The following ANKS1B variants were observed in gnomAD, a reference collection of about 807,000 sequenced individuals.
ANKS1B encodes the protein ankyrin repeat and sterile alpha motif domain-containing protein 1B.
In ANKS1B, 36 loss-of-function variants were observed where a neutral mutation model predicts 148.3. The ratio of observed to expected loss-of-function variants is 0.24; its 90% confidence interval spans 0.19 to 0.32. ANKS1B has a LOEUF of 0.32. Ranked by LOEUF, ANKS1B falls within the 10% of genes least tolerant of loss-of-function variation. ANKS1B has a pLI of 1.00. For missense variants in ANKS1B, 1,157 were observed against 1,542.6 expected (o/e 0.75, Z 4.19); for synonymous variants, 542 against 560.8 (o/e 0.97, Z 0.47).
At position 99,117,953 on chromosome 12, in the gene ANKS1B, C is replaced by T. The variant is rs548640336; in HGVS notation, c.2527-32930G>A. Among the ~76,000 whole-genome samples the T allele has an allele frequency of 5.9e-5, 9 of 152,258 alleles. No homozygotes were observed. In the East Asian group the frequency reaches 1.7e-3, roughly 29 times the overall value. On this transcript the variant is annotated intron_variant, in intron 15 of 26. Transcript: ENST00000683438. ...GGGTTTATGTGTCCAGGGATTTATCCATTTCTTCTAGATTTTCTAGTTTAT... is the reference window on the plus strand; with the variant it reads ...GGGTTTATGTGTCCAGGGATTTATCTATTTCTTCTAGATTTTCTAGTTTAT...
At chr12:98,872,538 C>CA (rs1442986764) in intron 17 of ANKS1B, among the ~76,000 whole-genome samples, 1 of 151,616 alleles carries the variant, frequency 6.6e-6, no homozygotes, top group Non-Finnish European at 1.5e-5. Context: ...GAACCTATCT[C>CA]AAAAAAATAA....
chr12:99,022,162 C>T (rs955301400), intron 17 of ANKS1B, among the ~76,000 whole-genome samples: 4 of 152,178 alleles, frequency 2.6e-5, no homozygotes, highest in Non-Finnish European at 4.4e-5. Flanking sequence ...GTTGTTTTGC[C>T]ATGTGACGGA....
intron 9 of ANKS1B, among the ~76,000 whole-genome samples, chr12:99,614,979 G>A (rs978356578): frequency 2.0e-5 from 3 of 150,864 alleles, no homozygotes; most frequent in African/African-American, 7.3e-5. Context: ...CAATGAAAGG[G>A]GAGAACTTGC....
intron 11 of ANKS1B, among the ~76,000 whole-genome samples, chr12:99,418,871 G>C (rs1360144038): frequency 2.0e-5 from 3 of 152,022 alleles, no homozygotes; most frequent in Non-Finnish European, 4.4e-5. Context: ...ACATGAATGG[G>C]TGTTGAATTT....
intron 16 of ANKS1B, among the ~76,000 whole-genome samples, chr12:99,070,839 T>A (rs2046030918): frequency 1.3e-5 from 2 of 152,124 alleles, no homozygotes. Context: ...AATTTTTTAA[T>A]TTTTTTGGAG....
At chr12:99,055,670 A>G in intron 16 of ANKS1B, among the ~76,000 whole-genome samples, 1 of 151,484 alleles carries the variant, frequency 6.6e-6, no homozygotes, top group Non-Finnish European at 1.5e-5. Flanking sequence ...AATGCCAGAA[A>G]ATTTAGAATC....
intron 17 of ANKS1B, among the ~76,000 whole-genome samples, chr12:98,987,945 A>G (rs1187939372): frequency 6.6e-6 from 1 of 152,158 alleles, no homozygotes; most frequent in Non-Finnish European, 1.5e-5. Context: ...GAACCAGCAA[A>G]TGATTTTTTC....
intron 17 of ANKS1B, among the ~76,000 whole-genome samples, chr12:98,902,734 T>C (rs2099773798): frequency 6.6e-6 from 1 of 152,194 alleles, no homozygotes; most frequent in Non-Finnish European, 1.5e-5. Context: ...TGTTTAAGGA[T>C]TAAATATAAG....
intron 15 of ANKS1B, among the ~76,000 whole-genome samples, chr12:99,114,049 A>G (rs1176450408): frequency 6.6e-6 from 1 of 152,234 alleles, no homozygotes; most frequent in Non-Finnish European, 1.5e-5. Flanking sequence ...CTTTTGCACA[A>G]CACTTTGCAA....
chr12:99,221,054 T>C (rs975601990), intron 14 of ANKS1B, among the ~76,000 whole-genome samples: 6 of 152,014 alleles, frequency 3.9e-5, no homozygotes, highest in Non-Finnish European at 5.9e-5. Flanking sequence ...AAAATTTGCA[T>C]GGTGGCCGGG....
At chr12:99,187,705 G>C (rs991310917) in intron 14 of ANKS1B, among the ~76,000 whole-genome samples, 6 of 152,142 alleles carry the variant, frequency 3.9e-5, no homozygotes, top group Non-Finnish European at 8.8e-5. Context: ...ACTAAACATG[G>C]AAAGGAACAA....
At chr12:98,782,045 AC>A (rs2098742106) in intron 23 of ANKS1B, 80 bp downstream of exon 23, 2 of 1,192,798 alleles carry the variant, frequency 1.7e-6, no homozygotes, top group South Asian at 2.7e-5. Context: ...ATCATTCATC[AC>A]CAGTCACCAG....
At chr12:99,175,275 G>A (rs1320297610) in intron 14 of ANKS1B, among the ~76,000 whole-genome samples, 1 of 152,160 alleles carries the variant, frequency 6.6e-6, no homozygotes, top group Non-Finnish European at 1.5e-5. Flanking sequence ...TACCGTGGTT[G>A]TGTTACAAGT....
chr12:98,787,407 G>A (rs1403423075), intron 22 of ANKS1B, among the ~76,000 whole-genome samples: 1 of 152,146 alleles, frequency 6.6e-6, no homozygotes, highest in African/African-American at 2.4e-5. Flanking sequence ...CCTATAGGGA[G>A]CTCCTTGAGG....
At chr12:99,960,451 T>C (rs940564598) in intron 1 of ANKS1B, among the ~76,000 whole-genome samples, 2 of 152,214 alleles carry the variant, frequency 1.3e-5, no homozygotes, top group Admixed American at 1.3e-4. Flanking sequence ...TTCTCTTTAG[T>C]CACAGAGCAT....
At chr12:99,558,972 A>C (rs2097305371) in intron 9 of ANKS1B, among the ~76,000 whole-genome samples, 1 of 152,064 alleles carries the variant, frequency 6.6e-6, no homozygotes, top group African/African-American at 2.4e-5. Context: ...CTCAAAGTCC[A>C]TGGCAAGAGC....
intron 1 of ANKS1B, among the ~76,000 whole-genome samples, chr12:99,943,120 G>A (rs978414851): frequency 6.6e-6 from 1 of 152,192 alleles, no homozygotes; most frequent in South Asian, 2.1e-4. Flanking sequence ...CAACATAGAG[G>A]AGGATTGAGC....
Position 99,504,652 on chromosome 12 carries a change from GA to G in ANKS1B, c.1273-12del. ...CTTTGGATAGGACTCCTGAAAAGAAGAAAAAATAAAAACAGCTTTGTGATGA... is the reference window on the plus strand; with the variant it reads ...CTTTGGATAGGACTCCTGAAAAGAAGAAAAATAAAAACAGCTTTGTGATGA... On this transcript the variant is annotated splice_polypyrimidine_tract_variant and intron_variant, in intron 9 of 26. Coordinates refer to ENST00000683438, the MANE Select transcript of ANKS1B (RefSeq NM_001352186.2). 6.6e-7 allele frequency: 1 copy of G among 1,516,658 alleles called. No individual in the cohort carries two copies. 94.0% of individuals were successfully genotyped at this position (1,516,658 alleles called of 1,614,324 possible).
chr12:98,974,816 C>T (rs2099890026), intron 17 of ANKS1B, among the ~76,000 whole-genome samples: 1 of 152,090 alleles, frequency 6.6e-6, no homozygotes, highest in Non-Finnish European at 1.5e-5. Flanking sequence ...GCCTTCTTGT[C>T]TCCTTGCCTA....
Sources: allele counts gnomAD v4.1 joint callset (sites outside exome capture counted in the v4.1 genomes callset), GRCh38; gene constraint gnomAD v4.1.1; transcripts MANE v1.5; gene names NCBI Gene and HGNC (gene_info 2026-07-23, HGNC 2026-07-21).